The following SRRD variants were observed in gnomAD, a reference collection of about 807,000 sequenced individuals.
SRRD encodes the protein SRR1-like protein.
SRRD carries 28 observed loss-of-function variants against 30.7 expected under a neutral mutation model. The ratio of observed to expected loss-of-function variants is 0.91; its 90% CI spans 0.68 to 1.25. SRRD has a LOEUF of 1.25. SRRD is among the 50% of genes most tolerant of loss of function. The probability of loss-of-function intolerance (pLI) is 0.00; values close to 1 mark genes in which losing one functional copy is unlikely to be tolerated. For synonymous variants in SRRD, 161 were observed against 159.6 expected (o/e 1.01, Z -0.07); for missense variants, 415 against 417.3 (o/e 0.99, Z 0.05).
Position 26,488,259 on chromosome 22 carries a change from T to G in SRRD, c.481T>G (p.Phe161Val). The G allele has an allele frequency of 6.2e-7, 1 of 1,613,902 alleles. No individual in the cohort carries two copies. The highest frequency in any genetic ancestry group is 8.5e-7 in the Non-Finnish European group (1 of 1,179,854). The change falls in exon 3 of 7, where the codon TTT (phenylalanine) becomes GTT (valine). Residue 161 changes from phenylalanine to valine, a missense_variant. Physicochemically the swap from Phe to Val is conservative, Grantham distance 50. Transcript: ENST00000215917. ...TCIVARNQLT[F>V]LLLLLEKCQI... is the part of the protein sequence containing the mutation. ...CATCGTAGCTAGAAACCAGCTAACG[T>G]TTTTGCTGCTTTTGTTGGAAAAGTG...
intron 4 of SRRD, among the ~76,000 whole-genome samples, chr22:26,489,013 C>A (rs1377264949): frequency 2.6e-5 from 4 of 152,214 alleles, no homozygotes; most frequent in Non-Finnish European, 5.9e-5. Flanking sequence ...AGAAATGCAT[C>A]CCTAAAGCAC....
chr22:26,490,177 G>C lies in SRRD; in HGVS notation c.743G>C (p.Ser248Thr). The change falls in exon 5 of 7, where the codon AGT becomes ACT. Residue 248 changes from serine (S) to threonine (T), a missense_variant. Physicochemically the swap from Ser to Thr is moderately conservative, Grantham distance 58. Coordinates refer to ENST00000215917, the MANE Select transcript of SRRD (RefSeq NM_001013694.3). The stretch of plus-strand genomic sequence containing the variant: ...TCTAAGATGGTCATCATTGGGAACA[G>C]TTTCAAAGGACTTGAGGAGAGGTAA... ...ALSKMVIIGNSFKGLEERLLA... is the reference protein window; with the variant it reads ...ALSKMVIIGNTFKGLEERLLA... 1 of 1,614,176 alleles carries C rather than the reference G, an allele frequency of 6.2e-7. No homozygotes were observed. The highest frequency in any genetic ancestry group is 8.5e-7 in the Non-Finnish European group (1 of 1,180,034).
Position 26,494,480 on chromosome 22 carries a change from G to T in SRRD, c.*2808G>T. The T allele has an allele frequency of 1.2e-6, 1 of 800,488 alleles. No individual in the cohort carries two copies. The highest frequency in any genetic ancestry group is 2.0e-6 in the Non-Finnish European group (1 of 507,760). The allele number at this position is 800,488 out of a possible 1,614,324, so 49.6% of individuals were successfully genotyped here. On this transcript the variant is annotated 3_prime_UTR_variant, in exon 7 of 7. Coordinates refer to ENST00000215917, the MANE Select transcript of SRRD (RefSeq NM_001013694.3). ...TGAATATGGATTTTGGAGTCAGCCT[G>T]GTAGCTAAAGTGCCCTTGCATGTAA... is the stretch of plus-strand genomic sequence containing the variant.
rs1235080930 is a variant in SRRD, at chr22:26,491,795, C to CT, written c.*124dup. The CT allele has an allele frequency of 9.7e-7, 1 of 1,029,764 alleles. No homozygotes were observed. Among genetic ancestry groups the CT allele is most frequent in the Non-Finnish European group, 1.4e-6 (1 of 718,940 alleles). 63.8% of individuals were successfully genotyped at this position (1,029,764 alleles called of 1,614,324 possible). A position where few individuals can be genotyped will look rare whatever the true frequency, so the allele number is the denominator to read the frequency against. The stretch of plus-strand genomic sequence containing the variant: ...AGGAAAGAACATCAACTTGGCTGTC[C>CT]TGTTTTGAGGACGATACCCCACATG... On this transcript the variant is annotated 3_prime_UTR_variant, in exon 7 of 7. Coordinates refer to ENST00000215917, the MANE Select transcript of SRRD (RefSeq NM_001013694.3).
chr22:26,494,414 A>G lies in SRRD; in HGVS notation c.*2742A>G, dbSNP rs759264286. The G allele has an allele frequency of 3.5e-5, 45 of 1,277,430 alleles. No individual in the cohort carries two copies. Among genetic ancestry groups the G allele is most frequent in the Non-Finnish European group, 5.1e-5 (45 of 890,240 alleles). 79.1% of individuals were successfully genotyped at this position (1,277,430 alleles called of 1,614,324 possible). A position where few individuals can be genotyped will look rare whatever the true frequency, so the allele number is the denominator to read the frequency against. ...CCTGGTCCTACAGGCTAGTGACACT[A>G]CTTTACAGGGATTTATAGTAGCTAA... On this transcript the variant is annotated 3_prime_UTR_variant, in exon 7 of 7. Transcript: ENST00000215917.
In SRRD at chr22:26,494,246, A is replaced by G; in HGVS notation, c.*2574A>G. 1 of 1,614,244 alleles carries G rather than the reference A, an allele frequency of 6.2e-7. No individual in the cohort carries two copies. ...GTCTGAGAACATCGACTTCCAACCC[A>G]GGTACCACTTGGTGATCTCCTCATA... On this transcript the variant is annotated 3_prime_UTR_variant, in exon 7 of 7. Coordinates refer to ENST00000215917, the MANE Select transcript of SRRD (RefSeq NM_001013694.3).
Position 26,494,402 on chromosome 22 carries a change from G to T in SRRD, c.*2730G>T. 7.2e-7 allele frequency: 1 copy of T among 1,387,544 alleles called. No individual in the cohort carries two copies. The highest frequency in any genetic ancestry group is 1.0e-6 in the Non-Finnish European group (1 of 982,960). 86.0% of individuals were successfully genotyped at this position (1,387,544 alleles called of 1,614,324 possible). A position where few individuals can be genotyped will look rare whatever the true frequency, so the allele number is the denominator to read the frequency against. On this transcript the variant is annotated 3_prime_UTR_variant, in exon 7 of 7. Coordinates refer to ENST00000215917, the MANE Select transcript of SRRD (RefSeq NM_001013694.3). ...TTTTGTTTTGATCCTGGTCCTACAG[G>T]CTAGTGACACTACTTTACAGGGATT...
At chr22:26,486,192 T>C (rs2091707534) in intron 2 of SRRD, 129 bp downstream of exon 2, 1 of 960,674 alleles carries the variant, frequency 1.0e-6, no homozygotes, top group Non-Finnish European at 1.6e-6. Flanking sequence ...TACAGCTGTA[T>C]GTCTTTTGGC....
At chr22:26,484,138 A>T (rs2147096219) in intron 1 of SRRD, 39 bp downstream of exon 1, 1 of 1,513,730 alleles carries the variant, frequency 6.6e-7, no homozygotes. Flanking sequence ...CTTTGCGCCC[A>T]TGGGCAATTC....
chr22:26,490,011 G>A, intron 4 of SRRD, 33 bp from the exon 5 acceptor site: 3 of 1,611,380 alleles, frequency 1.9e-6, no homozygotes, highest in Non-Finnish European at 2.5e-6. Context: ...TAGGTTGTGG[G>A]CATGTTTACA....
At chr22:26,485,370 T>A (rs2091684371) in intron 1 of SRRD, among the ~76,000 whole-genome samples, 1 of 152,254 alleles carries the variant, frequency 6.6e-6, no homozygotes, top group Non-Finnish European at 1.5e-5. Flanking sequence ...CGACTTTCAA[T>A]TCTCTGTACT....
At position 26,494,014 on chromosome 22, in the gene SRRD, G is replaced by C. The variant is rs1021911056; in HGVS notation, c.*2342G>C. 1.9e-6 allele frequency: 2 copies of C among 1,075,340 alleles called. No homozygotes were observed. Among genetic ancestry groups the C allele is most frequent in the Admixed American group, 2.4e-5 (1 of 40,910 alleles). 66.6% of individuals were successfully genotyped at this position (1,075,340 alleles called of 1,614,324 possible). On this transcript the variant is annotated 3_prime_UTR_variant, in exon 7 of 7. Transcript: ENST00000215917. Reference sequence around the variant, plus strand: ...CAGCAGGGTGAGAGTCTGTTGCTATGTGCAAAAGTGTGACCTAAGGTTTAG... The same window carrying C: ...CAGCAGGGTGAGAGTCTGTTGCTATCTGCAAAAGTGTGACCTAAGGTTTAG...
chr22:26,494,016 G>T lies in SRRD; in HGVS notation c.*2344G>T. 9.0e-7 allele frequency: 1 copy of T among 1,112,174 alleles called. No individual in the cohort carries two copies. Among genetic ancestry groups the T allele is most frequent in the Non-Finnish European group, 1.3e-6 (1 of 776,446 alleles). 68.9% of individuals were successfully genotyped at this position (1,112,174 alleles called of 1,614,324 possible). ...GCAGGGTGAGAGTCTGTTGCTATGT[G>T]CAAAAGTGTGACCTAAGGTTTAGGC... On this transcript the variant is annotated 3_prime_UTR_variant, in exon 7 of 7. Coordinates refer to ENST00000215917, the MANE Select transcript of SRRD (RefSeq NM_001013694.3).
At chr22:26,485,191 T>C (rs1299776622) in intron 1 of SRRD, among the ~76,000 whole-genome samples, 1 of 152,250 alleles carries the variant, frequency 6.6e-6, no homozygotes, top group Non-Finnish European at 1.5e-5. Flanking sequence ...CCCCAGGAGC[T>C]CCTTGCTTCT....
rs1213020943 is a variant in SRRD at position 26,485,419 on chromosome 22, TTG to T, written c.210-602_210-601del. Among the ~76,000 whole-genome samples the T allele has an allele frequency of 2.0e-5, 3 of 152,364 alleles. No individual in the cohort carries two copies. The East Asian group carries it at 5.8e-4, about 29-fold the overall frequency. The stretch of plus-strand genomic sequence containing the variant: ...CATAATCACTGTCTCTGGCTGTGGC[TTG>T]TCAGTTTAAATCCAGTTCATTTTAA... On this transcript the variant is annotated intron_variant, in intron 1 of 6. Transcript: ENST00000215917.
rs1221521722 is a variant in SRRD, at chr22:26,484,119, T to C, written c.209+20T>C. On this transcript the variant is annotated intron_variant, in intron 1 of 6. Transcript: ENST00000215917. ...GGCTGAGTGAGTGCAGGCTCGGCCC[T>C]GATGGAATCTTTGCGCCCATGGGCA... 2.0e-6 allele frequency: 3 copies of C among 1,522,834 alleles called. No homozygotes were observed. In the Admixed American group the frequency reaches 6.0e-5, roughly 30 times the overall value. 94.3% of individuals were successfully genotyped at this position (1,522,834 alleles called of 1,614,324 possible). A position where few individuals can be genotyped will look rare whatever the true frequency, so the allele number is the denominator to read the frequency against.
rs750832696 is a variant in SRRD at position 26,491,981 on chromosome 22, A to C, written c.*309A>C. On this transcript the variant is annotated 3_prime_UTR_variant, in exon 7 of 7. Coordinates refer to ENST00000215917, the MANE Select transcript of SRRD (RefSeq NM_001013694.3). ...TTTACAGTACATCCCTCTTAGGGGC[A>C]AGTCTCTGACTGGTTCTGGACCTGC... 2 of 1,550,080 alleles carry C rather than the reference A, an allele frequency of 1.3e-6. No individual in the cohort carries two copies. The highest frequency in any genetic ancestry group is 1.8e-6 in the Non-Finnish European group (2 of 1,142,514).
At position 26,487,983 on chromosome 22, in the gene SRRD, G is replaced by T; in HGVS notation, c.251-46G>T. ...CTTTTGTGGATGATTTGGTTCACAG[G>T]GTCAGAACATGCCCTCTAACTGCAT... On this transcript the variant is annotated intron_variant, in intron 2 of 6. Transcript: ENST00000215917. 4 of 1,557,848 alleles carry T rather than the reference G, an allele frequency of 2.6e-6. No individual in the cohort carries two copies. In the South Asian group the frequency reaches 4.9e-5, roughly 19 times the overall value.
chr22:26,490,849 G>A (rs1019791470), intron 5 of SRRD, 176 bp from the exon 6 acceptor site: 2 of 596,090 alleles, frequency 3.4e-6, no homozygotes, highest in Non-Finnish European at 5.8e-6. Context: ...CCTGCGCCTG[G>A]CCCACATTTT....
Sources: allele counts gnomAD v4.1 joint callset (sites outside exome capture counted in the v4.1 genomes callset), GRCh38; gene constraint gnomAD v4.1.1; transcripts MANE v1.5; gene names NCBI Gene and HGNC (gene_info 2026-07-23, HGNC 2026-07-21).